Variants in WDR59 observed in about 807,000 individuals in gnomAD.
The protein encoded by WDR59 is GATOR2 complex protein WDR59.
WDR59 carries 100 observed loss-of-function variants against 131.2 expected under a neutral mutation model. The ratio of observed to expected loss-of-function variants is 0.76; its 90% CI spans 0.65 to 0.90. The LOEUF (loss-of-function observed/expected upper bound fraction) is 0.90. WDR59 is among the 40% of genes least tolerant of loss of function. The probability of loss-of-function intolerance (pLI) is 0.00; values close to 1 mark genes in which losing one functional copy is unlikely to be tolerated. For missense variants in WDR59, 1,203 were observed against 1,262.2 expected, an observed-to-expected ratio of 0.95 and a Z score of 0.71; for synonymous variants, 601 against 466.2, an observed-to-expected ratio of 1.29 and a Z score of -3.72.
intron 7 of WDR59, among the ~76,000 whole-genome samples, chr16:74,939,323 A>G (rs1266167211): frequency 6.6e-6 from 1 of 152,200 alleles, no homozygotes. Flanking sequence ...GTGTTATCTG[A>G]AACACTAGAA....
chr16:74,922,041 G>C lies in WDR59; in HGVS notation c.792C>G (p.Leu264=). The change falls in exon 10 of 26, where the codon CTC becomes CTG. Residue 264 remains leucine, a synonymous_variant. Transcript: ENST00000262144. ...VPQLRRENSL[L]LWNVFDLNTP... ...TGTTCAAGTCAAAGACATTCCACAGGAGAAGGCTGTTTTCCCTCCGCAGCT... is the reference window on the plus strand; with the variant it reads ...TGTTCAAGTCAAAGACATTCCACAGCAGAAGGCTGTTTTCCCTCCGCAGCT... The C allele has an allele frequency of 6.2e-7, 1 of 1,614,186 alleles. No individual in the cohort carries two copies. Among genetic ancestry groups the C allele is most frequent in the Non-Finnish European group, 8.5e-7 (1 of 1,180,040 alleles).
intron 9 of WDR59, among the ~76,000 whole-genome samples, chr16:74,922,317 C>G (rs1278009620): frequency 6.6e-6 from 1 of 152,186 alleles, no homozygotes; most frequent in East Asian, 1.9e-4. Context: ...AGTGAAAACT[C>G]AGGCTGAGGC....
At chr16:74,906,899 T>G (rs1165351266) in intron 17 of WDR59, among the ~76,000 whole-genome samples, 2 of 152,212 alleles carry the variant, frequency 1.3e-5, no homozygotes, top group Non-Finnish European at 2.9e-5. Context: ...TATCTTGATA[T>G]GAGTGTTGGT....
At chr16:74,966,216 A>C (rs1371104457) in intron 1 of WDR59, among the ~76,000 whole-genome samples, 1 of 152,144 alleles carries the variant, frequency 6.6e-6, no homozygotes, top group Non-Finnish European at 1.5e-5. Flanking sequence ...GGGGTGGCTC[A>C]CACCTGTAAT....
chr16:74,907,876 T>C (rs2144914227), intron 17 of WDR59, among the ~76,000 whole-genome samples: 1 of 152,318 alleles, frequency 6.6e-6, no homozygotes, highest in South Asian at 2.1e-4. Flanking sequence ...ATCCCCATGT[T>C]ACTGTTGAAG....
At chr16:74,892,402 G>T in intron 20 of WDR59, 82 bp downstream of exon 20, 1 of 1,166,492 alleles carries the variant, frequency 8.6e-7, no homozygotes, top group Non-Finnish European at 1.3e-6. Flanking sequence ...CTTTGAAAAT[G>T]TCATTAAATG....
chr16:74,882,774 C>T (rs1250598302), intron 25 of WDR59, among the ~76,000 whole-genome samples: 2 of 115,584 alleles, frequency 1.7e-5, no homozygotes, highest in African/African-American at 3.3e-5. Flanking sequence ...CGCATGATTG[C>T]AGTCCAGCCT....
chr16:74,878,218 C>G (rs1372181926), intron 25 of WDR59, among the ~76,000 whole-genome samples: 1 of 152,204 alleles, frequency 6.6e-6, no homozygotes, highest in Non-Finnish European at 1.5e-5. Context: ...CCCTGGGGAA[C>G]TGTATTCAAG....
intron 8 of WDR59, among the ~76,000 whole-genome samples, chr16:74,928,993 A>G (rs1377102651): frequency 6.6e-6 from 1 of 152,238 alleles, no homozygotes. Flanking sequence ...ACCAGAATAT[A>G]TAAGAATCTC....
chr16:74,960,763 A>C (rs890349579), intron 2 of WDR59, among the ~76,000 whole-genome samples: 1 of 151,704 alleles, frequency 6.6e-6, no homozygotes, highest in Non-Finnish European at 1.5e-5. Context: ...TAAAAAAAAA[A>C]AAAAAAAGAG....
At chr16:74,915,217 C>T (rs6564184) in intron 13 of WDR59, among the ~76,000 whole-genome samples, 151,346 of 152,182 alleles carry the variant, frequency 0.99, 75,268 homozygotes, top group Middle Eastern at 1. Flanking sequence ...TCAACTCTGT[C>T]CCCAACTTCA....
At chr16:74,952,683 T>A (rs560499635) in intron 3 of WDR59, among the ~76,000 whole-genome samples, 1 of 151,494 alleles carries the variant, frequency 6.6e-6, no homozygotes, top group South Asian at 2.1e-4. Context: ...TCCCGACATA[T>A]CATGACTTTA....
At chr16:74,918,466 T>C (rs1023201105) in intron 10 of WDR59, among the ~76,000 whole-genome samples, 1 of 152,232 alleles carries the variant, frequency 6.6e-6, no homozygotes, top group African/African-American at 2.4e-5. Context: ...GATGAACATA[T>C]TTTTGCAAAA....
intron 2 of WDR59, among the ~76,000 whole-genome samples, chr16:74,958,620 A>AAAAAAAAAC (rs1199806175): frequency 3.5e-5 from 5 of 141,046 alleles, no homozygotes; most frequent in African/African-American, 7.9e-5. Flanking sequence ...AAAAAAAAAA[A>AAAAAAAAAC]CAAGCTAAAT....
intron 7 of WDR59, among the ~76,000 whole-genome samples, chr16:74,940,190 C>T (rs576295881): frequency 2.6e-5 from 4 of 152,054 alleles, no homozygotes; most frequent in Non-Finnish European, 5.9e-5. Context: ...ACCAGCCTGA[C>T]CAACACGGTG....
At chr16:74,905,042 A>G (rs1330165802) in intron 17 of WDR59, among the ~76,000 whole-genome samples, 1 of 152,254 alleles carries the variant, frequency 6.6e-6, no homozygotes, top group Non-Finnish European at 1.5e-5. Context: ...TTAAATCTAT[A>G]AAGCTTTCAT....
Position 74,912,384 on chromosome 16 carries a change from T to A in WDR59, c.1225-22A>T, listed in dbSNP as rs369373854. Reference sequence around the variant, plus strand: ...CCATCTGCAAGAGACAAATCCACAATTGCTGTAGAAACAAACCATAAAGCG... The same window carrying A: ...CCATCTGCAAGAGACAAATCCACAAATGCTGTAGAAACAAACCATAAAGCG... On this transcript the variant is annotated intron_variant, in intron 13 of 25. Coordinates refer to ENST00000262144, the MANE Select transcript of WDR59 (RefSeq NM_030581.4). 4.4e-6 allele frequency: 7 copies of A among 1,602,874 alleles called. No individual in the cohort carries two copies. The South Asian group carries it at 7.7e-5, about 18-fold the overall frequency.
At chr16:74,885,821 G>C in intron 24 of WDR59, 26 bp from the exon 25 acceptor site, 1 of 1,605,338 alleles carries the variant, frequency 6.2e-7, no homozygotes, top group Non-Finnish European at 8.5e-7. Context: ...AAGATTTCCT[G>C]TCAGTTCCTT....
At chr16:74,905,735 T>A (rs1441055945) in intron 17 of WDR59, among the ~76,000 whole-genome samples, 1 of 151,146 alleles carries the variant, frequency 6.6e-6, no homozygotes, top group Non-Finnish European at 1.5e-5. Context: ...ATAAATAAAA[T>A]TAAAAAGTGA....
Sources: gnomAD v4.1 joint callset for allele counts (sites outside exome capture counted in the v4.1 genomes callset) on GRCh38, gnomAD v4.1.1 for gene constraint, MANE v1.5 for transcripts, NCBI Gene and HGNC (gene_info 2026-07-23, HGNC 2026-07-21) for gene names.